Variants in LRFN5 observed in about 807,000 individuals in gnomAD.
The protein encoded by LRFN5 is leucine-rich repeat and fibronectin type-III domain-containing protein 5.
LRFN5 carries 24 observed loss-of-function variants against 45.6 expected under a neutral mutation model. The observed-to-expected ratio is 0.53, with a 90% CI of 0.38 to 0.74. The LOEUF is 0.74. Ranked by LOEUF, LRFN5 falls within the 30% of genes least tolerant of loss-of-function variation. The pLI is 0.00. For synonymous variants in LRFN5, 340 were observed against 313.8 expected (o/e 1.08, Z -0.88); for missense variants, 776 against 861.5 (o/e 0.90, Z 1.24).
intron 1 of LRFN5, among the ~76,000 whole-genome samples, chr14:41,749,375 C>T (rs1885041069): frequency 6.6e-6 from 1 of 151,898 alleles, no homozygotes; most frequent in African/African-American, 2.4e-5. Flanking sequence ...GCAAATAGAA[C>T]CAAAGGATGT....
intron 1 of LRFN5, among the ~76,000 whole-genome samples, chr14:41,676,292 G>T (rs1343615213): frequency 6.6e-6 from 1 of 152,190 alleles, no homozygotes; most frequent in Non-Finnish European, 1.5e-5. Flanking sequence ...CACTGCTAGT[G>T]CCCACTCTGC....
chr14:41,806,774 C>T (rs1428009654), intron 2 of LRFN5, among the ~76,000 whole-genome samples: 4 of 152,218 alleles, frequency 2.6e-5, no homozygotes, highest in East Asian at 1.9e-4. Flanking sequence ...GCCTGCTTAC[C>T]GTACACAGAC....
chr14:41,876,638 G>T (rs1269408855), intron 2 of LRFN5, among the ~76,000 whole-genome samples: 2 of 151,874 alleles, frequency 1.3e-5, no homozygotes, highest in Non-Finnish European at 2.9e-5. Context: ...TAAAATATAG[G>T]TTTACTGAGC....
intron 2 of LRFN5, among the ~76,000 whole-genome samples, chr14:41,817,126 GT>G (rs1474968301): frequency 6.7e-6 from 1 of 150,190 alleles, no homozygotes; most frequent in African/African-American, 2.4e-5. Context: ...TAGCATTTAT[GT>G]TTGTTTCTTT....
At chr14:41,792,736 GCACTGATTT>G (rs1886972062) in intron 2 of LRFN5, among the ~76,000 whole-genome samples, 1 of 151,898 alleles carries the variant, frequency 6.6e-6, no homozygotes, top group East Asian at 1.9e-4. Flanking sequence ...TTTTCAAAGT[GCACTGATTT>G]CATCTTGTTC....
chr14:41,783,115 G>C (rs1028597412), intron 2 of LRFN5, among the ~76,000 whole-genome samples: 4 of 151,632 alleles, frequency 2.6e-5, no homozygotes, highest in Admixed American at 6.6e-5. Flanking sequence ...GAAAAATCTG[G>C]GTATATTTCA....
At chr14:41,639,372 G>A (rs1597043) in intron 1 of LRFN5, among the ~76,000 whole-genome samples, 27 of 151,994 alleles carry the variant, frequency 1.8e-4, no homozygotes, top group African/African-American at 6.5e-4. Context: ...CAAAAAGAAG[G>A]TCATGGTTCA....
intron 1 of LRFN5, among the ~76,000 whole-genome samples, chr14:41,673,153 C>A (rs1010279540): frequency 2.2e-4 from 34 of 152,138 alleles, no homozygotes; most frequent in South Asian, 2.1e-4. Flanking sequence ...ATTTCTCAAT[C>A]TTTTCCCCGC....
chr14:41,844,164 G>A (rs548369454), intron 2 of LRFN5, among the ~76,000 whole-genome samples: 1 of 152,206 alleles, frequency 6.6e-6, no homozygotes, highest in African/African-American at 2.4e-5. Flanking sequence ...TCGGCCGGGT[G>A]CAGTGGCTCA....
At chr14:41,609,330 T>A (rs1485469335) in intron 1 of LRFN5, among the ~76,000 whole-genome samples, 1 of 130,666 alleles carries the variant, frequency 7.7e-6, no homozygotes, top group Non-Finnish European at 1.5e-5. Context: ...TTTGTTGTTG[T>A]TGTTTGTTTG....
In LRFN5 at chr14:41,646,082, A is replaced by G. The variant is rs12589180; in HGVS notation, c.-197+37520A>G. 0.027 allele frequency among the ~76,000 whole-genome samples: 4,061 copies of G among 152,240 alleles called. 278 individuals are homozygous for G. The East Asian group carries it at 0.27, about 10-fold the overall frequency. ...TAGTGATCAGATCAGAGTAAGTAGCATATCCGTCATCTCAAATATCATTTC... is the reference window on the plus strand; with the variant it reads ...TAGTGATCAGATCAGAGTAAGTAGCGTATCCGTCATCTCAAATATCATTTC... On this transcript the variant is annotated intron_variant, in intron 1 of 5. Transcript: ENST00000298119.
chr14:41,754,500 T>G (rs7140916), intron 1 of LRFN5, among the ~76,000 whole-genome samples: 8,453 of 151,786 alleles, frequency 0.056, 812 homozygotes, highest in African/African-American at 0.19. Flanking sequence ...TTGGGAGGGT[T>G]TATGCATCGA....
chr14:41,626,944 C>T (rs535468348), intron 1 of LRFN5, among the ~76,000 whole-genome samples: 4 of 152,118 alleles, frequency 2.6e-5, no homozygotes, highest in South Asian at 2.1e-4. Flanking sequence ...CTTTTGAAAA[C>T]ATTTTATGTC....
intron 2 of LRFN5, among the ~76,000 whole-genome samples, chr14:41,767,840 GTTCGGACTT>G (rs1406183747): frequency 6.6e-6 from 1 of 152,114 alleles, no homozygotes; most frequent in East Asian, 1.9e-4. Flanking sequence ...CTCAGGAAAA[GTTCGGACTT>G]TCCTGGTTCA....
At position 41,617,715 on chromosome 14, in the gene LRFN5, T is replaced by C. The variant is rs143575683; in HGVS notation, c.-197+9153T>C. 1.5e-4 allele frequency among the ~76,000 whole-genome samples: 23 copies of C among 152,276 alleles called. 1 individual carries two copies. In the East Asian group the frequency reaches 4.4e-3, roughly 29 times the overall value. ...TATATACTAAAACTTTTTGATAAAA[T>C]AGTGTGATTTTGGGTGATTTGCCCT... is the stretch of plus-strand genomic sequence containing the variant. On this transcript the variant is annotated intron_variant, in intron 1 of 5. Transcript: ENST00000298119.
At chr14:41,652,502 C>T (rs1880176437) in intron 1 of LRFN5, among the ~76,000 whole-genome samples, 1 of 152,032 alleles carries the variant, frequency 6.6e-6, no homozygotes, top group South Asian at 2.1e-4. Context: ...AATAAATGTG[C>T]AAGCCAATCA....
chr14:41,834,266 C>G (rs1201490665), intron 2 of LRFN5, among the ~76,000 whole-genome samples: 1 of 152,162 alleles, frequency 6.6e-6, no homozygotes, highest in Non-Finnish European at 1.5e-5. Flanking sequence ...ATATCTTTTG[C>G]AAAGTGTTCT....
At chr14:41,783,779 CAT>C (rs914113634) in intron 2 of LRFN5, among the ~76,000 whole-genome samples, 107 of 152,046 alleles carry the variant, frequency 7.0e-4, no homozygotes, top group African/African-American at 2.6e-3. Context: ...GTAAATTATA[CAT>C]GTTATAAATA....
chr14:41,704,254 A>G (rs568448404), intron 1 of LRFN5, among the ~76,000 whole-genome samples: 1 of 152,030 alleles, frequency 6.6e-6, no homozygotes, highest in South Asian at 2.1e-4. Flanking sequence ...TTGGGGAATT[A>G]TTTATAACTT....
Sources: gnomAD v4.1 joint callset for allele counts (sites outside exome capture counted in the v4.1 genomes callset) on GRCh38, gnomAD v4.1.1 for gene constraint, MANE v1.5 for transcripts, NCBI Gene and HGNC (gene_info 2026-07-23, HGNC 2026-07-21) for gene names.